Variants in SHC3 observed in about 807,000 individuals in gnomAD.
The protein encoded by SHC3 is SHC adaptor protein 3, also known as SHC-transforming protein 3.
A neutral mutation model predicts 60.4 loss-of-function variants in SHC3; 15 were observed. The ratio of observed to expected loss-of-function variants is 0.25; its 90% CI spans 0.17 to 0.38. The LOEUF (loss-of-function observed/expected upper bound fraction) is 0.38, where lower values mean the gene tolerates loss of function less well. Among genes scored for constraint, SHC3 ranks in the 10% least tolerant of loss-of-function variants. SHC3 has a pLI of 1.00. For missense variants in SHC3, 677 were observed against 786.1 expected, an observed-to-expected ratio of 0.86 and a Z score of 1.66; for synonymous variants, 294 against 325.9, an observed-to-expected ratio of 0.90 and a Z score of 1.05.
intron 2 of SHC3, among the ~76,000 whole-genome samples, chr9:89,082,005 T>C (rs1025876345): frequency 2.0e-5 from 3 of 151,578 alleles, no homozygotes; most frequent in African/African-American, 7.3e-5. Context: ...GCCAGGCTGG[T>C]AGTACCTTGC....
intron 2 of SHC3, among the ~76,000 whole-genome samples, chr9:89,078,932 T>C (rs548906553): frequency 6.6e-6 from 1 of 152,338 alleles, no homozygotes; most frequent in South Asian, 2.1e-4. Context: ...CTTCTTCAGA[T>C]TAATTTCTAC....
At chr9:89,123,118 T>C (rs1826115829) in intron 1 of SHC3, among the ~76,000 whole-genome samples, 1 of 152,200 alleles carries the variant, frequency 6.6e-6, no homozygotes, top group Non-Finnish European at 1.5e-5. Context: ...ATGGGCTATA[T>C]GATGCAATTT....
At chr9:89,162,551 T>C (rs1826724377) in intron 1 of SHC3, among the ~76,000 whole-genome samples, 1 of 152,178 alleles carries the variant, frequency 6.6e-6, no homozygotes, top group African/African-American at 2.4e-5. Context: ...TGTAGAAAGC[T>C]GAAACTGGAT....
chr9:89,043,190 T>G (rs1824715420), intron 9 of SHC3, among the ~76,000 whole-genome samples: 1 of 152,216 alleles, frequency 6.6e-6, no homozygotes, highest in African/African-American at 2.4e-5. Context: ...CCCAAGAGCC[T>G]GTGGCTGGAC....
intron 11 of SHC3, among the ~76,000 whole-genome samples, chr9:89,024,621 A>G (rs149282244): frequency 2.7e-4 from 41 of 152,360 alleles, no homozygotes; most frequent in Middle Eastern, 6.8e-3. Context: ...CCGTTTTCAG[A>G]ATGAAAGGAT....
chr9:89,037,611 G>T, intron 11 of SHC3: 1 of 691,506 alleles, frequency 1.4e-6, no homozygotes, highest in South Asian at 1.6e-5. Context: ...AATCCTCAGT[G>T]ATTCAACTTT....
At position 89,057,842 on chromosome 9, in the gene SHC3, G is replaced by A. The variant is rs560116408; in HGVS notation, c.836-5679C>T. On this transcript the variant is annotated intron_variant, in intron 6 of 11. Transcript: ENST00000375835. ...CTGACCATCTGGAACCTGTGGAAAA[G>A]AGTTTTTACAGGTGTGGTTAAGTTA... Among the ~76,000 whole-genome samples the A allele has an allele frequency of 1.0e-3, 156 of 152,306 alleles. 1 individual carries two copies. The Middle Eastern group carries it at 0.017, about 17-fold the overall frequency.
chr9:89,177,957 GC>G (rs1380093181), intron 1 of SHC3, 29 bp downstream of exon 1: 3 of 1,203,192 alleles, frequency 2.5e-6, no homozygotes, highest in Admixed American at 4.4e-5. Context: ...AGAACCCCCA[GC>G]CCCCAGGGCG....
chr9:89,118,553 A>C (rs1240420820), intron 1 of SHC3, among the ~76,000 whole-genome samples: 1 of 151,996 alleles, frequency 6.6e-6, no homozygotes, highest in Non-Finnish European at 1.5e-5. Context: ...AGAAACATGC[A>C]CTCATGGACC....
At chr9:89,058,675 G>T (rs1564107801) in intron 6 of SHC3, among the ~76,000 whole-genome samples, 1 of 150,030 alleles carries the variant, frequency 6.7e-6, no homozygotes, top group Non-Finnish European at 1.5e-5. Flanking sequence ...GGATGGTGGT[G>T]TAGGATGTGA....
At chr9:89,169,332 G>A (rs1019738003) in intron 1 of SHC3, among the ~76,000 whole-genome samples, 5 of 152,208 alleles carry the variant, frequency 3.3e-5, no homozygotes, top group African/African-American at 9.6e-5. Flanking sequence ...AATCCAGGAC[G>A]TCTGAGCACA....
intron 1 of SHC3, among the ~76,000 whole-genome samples, chr9:89,143,033 C>T (rs1334194787): frequency 1.3e-5 from 2 of 152,018 alleles, no homozygotes; most frequent in African/African-American, 4.8e-5. Context: ...TCTCGGATCT[C>T]GCACAAGAAA....
chr9:89,089,410 G>C (rs931524904), intron 2 of SHC3, among the ~76,000 whole-genome samples: 1 of 152,152 alleles, frequency 6.6e-6, no homozygotes, highest in Non-Finnish European at 1.5e-5. Flanking sequence ...TTGGAGCCTG[G>C]GGGGTGGAGC....
At chr9:89,171,247 G>GA (rs1826865099) in intron 1 of SHC3, among the ~76,000 whole-genome samples, 1 of 135,060 alleles carries the variant, frequency 7.4e-6, no homozygotes, top group African/African-American at 2.7e-5. Flanking sequence ...TTTTTTTTTT[G>GA]AAAAAAACAG....
chr9:89,169,342 A>T (rs1826836332), intron 1 of SHC3, among the ~76,000 whole-genome samples: 1 of 152,168 alleles, frequency 6.6e-6, no homozygotes, highest in African/African-American at 2.4e-5. Flanking sequence ...GTCTGAGCAC[A>T]TAACGGGACC....
At chr9:89,032,639 T>C (rs1824509407) in intron 11 of SHC3, among the ~76,000 whole-genome samples, 1 of 152,212 alleles carries the variant, frequency 6.6e-6, no homozygotes, top group African/African-American at 2.4e-5. Flanking sequence ...TCAATATTCT[T>C]GACACCTTAC....
chr9:89,054,031 G>T (rs1824905720), intron 6 of SHC3, among the ~76,000 whole-genome samples: 1 of 152,202 alleles, frequency 6.6e-6, no homozygotes, highest in Non-Finnish European at 1.5e-5. Flanking sequence ...AGAAAGGGTA[G>T]CCTGTTTTTT....
At chr9:89,095,524 A>G (rs975611381) in intron 2 of SHC3, among the ~76,000 whole-genome samples, 1 of 152,102 alleles carries the variant, frequency 6.6e-6, no homozygotes, top group African/African-American at 2.4e-5. Flanking sequence ...AGTTCTGGAG[A>G]TGGAGGGTGG....
In SHC3 at chr9:89,172,068, C is replaced by T. The variant is rs116394778; in HGVS notation, c.474+5919G>A. Among the ~76,000 whole-genome samples, 554 of 152,320 alleles carry T rather than the reference C, an allele frequency of 3.6e-3. 2 individuals are homozygous for T. The highest frequency in any genetic ancestry group is 0.012 in the African/African-American group (513 of 41,570). ...TGGTACAGGAGGGCTGAGGTATATC[C>T]GGCACCTTCTCACCAACTCTCCTCA... On this transcript the variant is annotated intron_variant, in intron 1 of 11. Coordinates refer to ENST00000375835, the MANE Select transcript of SHC3 (RefSeq NM_016848.6).
Sources: allele counts gnomAD v4.1 joint callset (sites outside exome capture counted in the v4.1 genomes callset), GRCh38; gene constraint gnomAD v4.1.1; transcripts MANE v1.5; gene names NCBI Gene and HGNC (gene_info 2026-07-23, HGNC 2026-07-21).